Variants in DMD observed in about 807,000 individuals in gnomAD.
DMD encodes dystrophin.
Under a neutral mutation model 330.1 loss-of-function variants are expected in DMD, and 63 were observed. The ratio of observed to expected loss-of-function variants is 0.19; its 90% CI spans 0.16 to 0.24. The LOEUF is 0.24. DMD is among the 10% of genes least tolerant of loss of function. The pLI is 1.00. For synonymous variants in DMD, 1,223 were observed against 959.8 expected (o/e 1.27, Z -5.07); for missense variants, 3,344 against 2,684.1 (o/e 1.25, Z -5.43).
At chrX:31,561,344 GAAAAAGCAA>G (rs2075185908) in intron 55 of DMD, among the ~76,000 whole-genome samples, 1 of 110,446 alleles carries the variant, frequency 9.1e-6, no homozygotes, top group African/African-American at 3.3e-5. Flanking sequence ...GGCTGAAACT[GAAAAAGCAA>G]AAAACGGGGT....
chrX:31,313,736 T>A (rs2055733007), intron 62 of DMD, among the ~76,000 whole-genome samples: 1 of 110,297 alleles, frequency 9.1e-6, no homozygotes, highest in African/African-American at 3.3e-5. Flanking sequence ...TGATTTTAAG[T>A]ATCAATTCTC....
chrX:32,436,230 G>A (rs943224573), intron 29 of DMD, among the ~76,000 whole-genome samples: 5 of 111,125 alleles, frequency 4.5e-5, no homozygotes, highest in Non-Finnish European at 9.4e-5. Context: ...TCAGGCTTAA[G>A]GTATTCTTTA....
chrX:31,483,171 C>G (rs781095201), intron 57 of DMD, among the ~76,000 whole-genome samples: 4 of 106,923 alleles, frequency 3.7e-5, no homozygotes, highest in Non-Finnish European at 7.7e-5. Context: ...CTCAGCCTCC[C>G]GAGTAGCTGG....
intron 4 of DMD, among the ~76,000 whole-genome samples, chrX:32,826,687 G>A (rs910629267): frequency 4.5e-5 from 5 of 111,185 alleles, no homozygotes; most frequent in Non-Finnish European, 7.5e-5. Flanking sequence ...GGTTAGCAGG[G>A]GATAGAGCTT....
intron 12 of DMD, among the ~76,000 whole-genome samples, chrX:32,603,036 A>T (rs1224292320): frequency 1.8e-5 from 2 of 111,594 alleles, no homozygotes; most frequent in Non-Finnish European, 3.8e-5. Context: ...CTTACAGAAC[A>T]TTCTATTCTA....
chrX:32,850,597 G>A (rs1240615774), intron 2 of DMD, among the ~76,000 whole-genome samples: 1 of 111,489 alleles, frequency 9.0e-6, no homozygotes, highest in Non-Finnish European at 1.9e-5. Flanking sequence ...AAACTAGAAT[G>A]GGGTAAAGCC....
chrX:31,178,430 TG>T (rs778283531), intron 70 of DMD: 1 of 935,992 alleles, frequency 1.1e-6, no homozygotes, highest in Non-Finnish European at 1.3e-6. Context: ...TATTGTGTTG[TG>T]GTTTTTTTTT....
At chrX:31,175,551 C>A (rs181267648) in intron 71 of DMD, among the ~76,000 whole-genome samples, 5 of 110,656 alleles carry the variant, frequency 4.5e-5, no homozygotes, top group Non-Finnish European at 5.7e-5. Context: ...AAAGGGAGTA[C>A]TGGTCAGAGA....
chrX:31,437,066 A>G (rs941836105), intron 60 of DMD, among the ~76,000 whole-genome samples: 3 of 112,058 alleles, frequency 2.7e-5, no homozygotes, highest in Non-Finnish European at 5.6e-5. Context: ...ATCTTACTGC[A>G]GTATTTTGGG....
intron 45 of DMD, among the ~76,000 whole-genome samples, chrX:31,963,338 C>T (rs956869629): frequency 8.9e-6 from 1 of 111,911 alleles, no homozygotes; most frequent in African/African-American, 3.2e-5. Flanking sequence ...TATACTAGTA[C>T]ATTTTGGTTT....
At chrX:31,502,755 T>C (rs766884959) in intron 56 of DMD, among the ~76,000 whole-genome samples, 3 of 111,793 alleles carry the variant, frequency 2.7e-5, no homozygotes, top group Admixed American at 1.9e-4. Context: ...ATTGAAATCT[T>C]CATATATATT....
intron 2 of DMD, among the ~76,000 whole-genome samples, chrX:32,991,553 T>C (rs2092976414): frequency 8.9e-6 from 1 of 112,440 alleles, no homozygotes; most frequent in Non-Finnish European, 1.9e-5. Context: ...TTCACTAATT[T>C]AAATTCAAAA....
At chrX:32,545,393 C>T in intron 16 of DMD, 59 bp from the exon 17 acceptor site, 5 of 1,089,921 alleles carry the variant, frequency 4.6e-6, no homozygotes, top group Non-Finnish European at 6.3e-6. Context: ...GTAAAGACTG[C>T]TTGGAGTGGC....
At chrX:32,502,654 A>G (rs1363159963) in intron 18 of DMD, among the ~76,000 whole-genome samples, 2 of 112,513 alleles carry the variant, frequency 1.8e-5, no homozygotes. Context: ...CTATAACGCA[A>G]TTAAAATATA....
chrX:32,883,842 A>AG (rs1569538833), intron 2 of DMD, among the ~76,000 whole-genome samples: 66 of 104,740 alleles, frequency 6.3e-4, no homozygotes, highest in African/African-American at 2.0e-3. Context: ...AAAAAAAAAA[A>AG]AAAAAAAAAG....
At chrX:32,485,838 G>A (rs1462145780) in intron 20 of DMD, among the ~76,000 whole-genome samples, 2 of 98,042 alleles carry the variant, frequency 2.0e-5, no homozygotes, top group African/African-American at 7.5e-5. Flanking sequence ...TCACATTCCA[G>A]GTTCAAGCGA....
intron 1 of DMD, among the ~76,000 whole-genome samples, chrX:33,130,235 T>C (rs140889376): frequency 3.1e-3 from 341 of 111,715 alleles, no homozygotes; most frequent in African/African-American, 0.01. Context: ...GATAACACAG[T>C]ACAAATACGC....
intron 55 of DMD, among the ~76,000 whole-genome samples, chrX:31,582,847 C>G (rs752417540): frequency 8.9e-6 from 1 of 111,821 alleles, no homozygotes; most frequent in Admixed American, 9.4e-5. Context: ...TTAAGACAGA[C>G]TTAGGAGGTA....
chrX:31,275,763 G>A (rs766028678), intron 62 of DMD, among the ~76,000 whole-genome samples: 1 of 111,240 alleles, frequency 9.0e-6, no homozygotes, highest in Admixed American at 9.6e-5. Context: ...TGGAGAGGCT[G>A]AATTCATGAC....
Sources: gnomAD v4.1 joint callset for allele counts (sites outside exome capture counted in the v4.1 genomes callset) on GRCh38, gnomAD v4.1.1 for gene constraint, MANE v1.5 for transcripts, NCBI Gene and HGNC (gene_info 2026-07-23, HGNC 2026-07-21) for gene names.